CPT1A: variants seen among roughly 807,000 people sequenced by gnomAD.
CPT1A encodes carnitine palmitoyltransferase 1A.
CPT1A carries 64 observed loss-of-function variants against 100.8 expected under a neutral mutation model. The ratio of observed to expected loss-of-function variants is 0.63; its 90% CI spans 0.52 to 0.78. CPT1A has a LOEUF of 0.78. CPT1A is among the 30% of genes least tolerant of loss of function. CPT1A has a pLI of 0.00. For synonymous variants in CPT1A, 363 were observed against 396.0 expected (o/e 0.92, Z 0.99); for missense variants, 802 against 1,034.1 (o/e 0.78, Z 3.08).
Position 68,841,231 on chromosome 11 carries a change from G to C in CPT1A, c.-14+544C>G, listed in dbSNP as rs1217293442. Among the ~76,000 whole-genome samples the C allele has an allele frequency of 6.6e-6, 1 of 151,918 alleles. No individual in the cohort carries two copies. Among genetic ancestry groups the C allele is most frequent in the African/African-American group, 2.4e-5 (1 of 41,392 alleles). ...TGACCAACCCACGGGCGGACCCCCA[G>C]ACCCAATCCTCTCCAGAGCCAGGGT... On this transcript the variant is annotated intron_variant, in intron 1 of 18. Coordinates refer to ENST00000265641, the MANE Select transcript of CPT1A (RefSeq NM_001876.4). This position sits in a 1 kb window ranked among gnomAD's most constrained non-coding sequence, Gnocchi z 6.3.
chr11:68,806,575 C>T (rs12802903), intron 4 of CPT1A, among the ~76,000 whole-genome samples: 1 of 151,050 alleles, frequency 6.6e-6, no homozygotes, highest in Non-Finnish European at 1.5e-5. Flanking sequence ...CTGCAGTGAG[C>T]CGTGATGGTG....
At position 68,760,946 on chromosome 11, in the gene CPT1A, G is replaced by A. The variant is rs563743206; in HGVS notation, c.2028+589C>T. Among the ~76,000 whole-genome samples the A allele has an allele frequency of 1.3e-4, 20 of 152,084 alleles. No homozygotes were observed. In the South Asian group the frequency reaches 1.9e-3, roughly 14 times the overall value. On this transcript the variant is annotated intron_variant, in intron 16 of 18. Transcript: ENST00000265641. The stretch of plus-strand genomic sequence containing the variant: ...TGAGGCAGGAGAATAGCTTGAACCC[G>A]GGAGGCGGAGGTTTCAGTGAGCCAA...
At chr11:68,836,671 C>T (rs1031446946) in intron 1 of CPT1A, among the ~76,000 whole-genome samples, 4 of 151,898 alleles carry the variant, frequency 2.6e-5, no homozygotes, top group African/African-American at 9.7e-5. Context: ...GCTTGGGAGG[C>T]TGAGGCAGGA....
chr11:68,776,981 C>T (rs928765575), intron 12 of CPT1A, among the ~76,000 whole-genome samples: 5 of 152,194 alleles, frequency 3.3e-5, no homozygotes, highest in South Asian at 4.1e-4. Context: ...GGGTGACTGT[C>T]GGCTGGCGAG....
At chr11:68,789,735 T>C (rs957274338) in intron 9 of CPT1A, among the ~76,000 whole-genome samples, 2 of 152,286 alleles carry the variant, frequency 1.3e-5, no homozygotes, top group African/African-American at 4.8e-5. Flanking sequence ...CCCAGTGATG[T>C]TGAATGCTTT....
chr11:68,835,305 A>G (rs1566392594), intron 1 of CPT1A, among the ~76,000 whole-genome samples: 1 of 152,204 alleles, frequency 6.6e-6, no homozygotes, highest in Non-Finnish European at 1.5e-5. Context: ...CACCTGCCCA[A>G]AGGACATCCT....
chr11:68,760,370 T>A, intron 16 of CPT1A, 32 bp from the exon 17 acceptor site: 1 of 1,537,454 alleles, frequency 6.5e-7, no homozygotes, highest in Non-Finnish European at 8.9e-7. Flanking sequence ...TGTTTCCTAA[T>A]CCCCTCCTCT....
intron 15 of CPT1A, 54 bp from the exon 16 acceptor site, chr11:68,761,741 T>G: frequency 6.2e-7 from 1 of 1,604,356 alleles, no homozygotes; most frequent in South Asian, 1.1e-5. Flanking sequence ...GTTGAGCAGT[T>G]ACGGATCTAA....
chr11:68,773,898 T>G, intron 13 of CPT1A: 1 of 253,168 alleles, frequency 3.9e-6, no homozygotes, highest in East Asian at 9.6e-5. Flanking sequence ...AACTGGACTA[T>G]GAGCTTCCTC....
intron 9 of CPT1A, among the ~76,000 whole-genome samples, chr11:68,787,888 G>A (rs1008560107): frequency 4.7e-5 from 7 of 149,418 alleles, no homozygotes; most frequent in African/African-American, 1.7e-4. Flanking sequence ...AGGTTGCAGT[G>A]AGCCGAGATT....
chr11:68,785,095 G>A, intron 9 of CPT1A, 85 bp from the exon 10 acceptor site: 1 of 1,148,438 alleles, frequency 8.7e-7, no homozygotes, highest in African/African-American at 1.5e-5. Context: ...ACTCTGCAAA[G>A]GGCATGGGAG....
At chr11:68,773,712 G>C in intron 13 of CPT1A, 1 of 420,624 alleles carries the variant, frequency 2.4e-6, no homozygotes, top group Non-Finnish European at 4.5e-6. Context: ...ATCAGTGATG[G>C]TCAGGTGGTT....
chr11:68,803,347 G>A (rs1388993237), intron 5 of CPT1A, among the ~76,000 whole-genome samples: 1 of 152,184 alleles, frequency 6.6e-6, no homozygotes, highest in Non-Finnish European at 1.5e-5. Context: ...AAGTTACTAG[G>A]TGGGGGGAGG....
chr11:68,790,056 C>T (rs1178308480), intron 9 of CPT1A, among the ~76,000 whole-genome samples: 1 of 151,858 alleles, frequency 6.6e-6, no homozygotes, highest in South Asian at 2.1e-4. Context: ...ATTTCTTAAT[C>T]GGAAGTAGGG....
At chr11:68,761,821 G>C in intron 15 of CPT1A, 134 bp from the exon 16 acceptor site, 1 of 1,078,494 alleles carries the variant, frequency 9.3e-7, no homozygotes, top group Non-Finnish European at 1.4e-6. Context: ...ATGTTGCCCA[G>C]GGTGGTTTCG....
chr11:68,757,255 A>G lies in CPT1A; in HGVS notation c.*389T>C. On this transcript the variant is annotated 3_prime_UTR_variant, in exon 19 of 19. Transcript: ENST00000265641. ...AACAAAAGTTTACCCTGCTTGGATG[A>G]TGCTAAATGCCCTTAAGCACTAGGC... 1 of 1,059,230 alleles carries G rather than the reference A, an allele frequency of 9.4e-7. No individual in the cohort carries two copies. Among genetic ancestry groups the G allele is most frequent in the Non-Finnish European group, 1.2e-6 (1 of 863,012 alleles). 65.6% of individuals were successfully genotyped at this position (1,059,230 alleles called of 1,614,324 possible). A position where few individuals can be genotyped will look rare whatever the true frequency, so the allele number is the denominator to read the frequency against.
intron 5 of CPT1A, among the ~76,000 whole-genome samples, chr11:68,800,393 C>A (rs1855872031): frequency 1.3e-5 from 2 of 151,290 alleles, no homozygotes; most frequent in South Asian, 4.2e-4. Context: ...GTAATCCCAG[C>A]ACTTTGAGAG....
chr11:68,765,318 T>C (rs1854762712), intron 14 of CPT1A, among the ~76,000 whole-genome samples: 1 of 152,200 alleles, frequency 6.6e-6, no homozygotes, highest in Non-Finnish European at 1.5e-5. Context: ...GCCCACAGTT[T>C]AAAAGACAGC....
intron 9 of CPT1A, chr11:68,786,128 A>T (rs1855456988): frequency 1.4e-5 from 10 of 696,762 alleles, no homozygotes; most frequent in Non-Finnish European, 2.4e-5. Context: ...TCAGGAGGCC[A>T]AGGAGGGAGG....
Sources: gnomAD v4.1 joint callset for allele counts (sites outside exome capture counted in the v4.1 genomes callset) on GRCh38, gnomAD v4.1.1 for gene constraint, Gnocchi (gnomAD v3.1) non-coding constraint, MANE v1.5 for transcripts, NCBI Gene and HGNC (gene_info 2026-07-23, HGNC 2026-07-21) for gene names.